NPRL3: variants seen among roughly 807,000 people sequenced by gnomAD.
NPRL3 encodes the protein NPR3 like, GATOR1 complex subunit, also known as GATOR1 complex protein NPRL3.
In NPRL3, 23 loss-of-function variants were observed where a neutral mutation model predicts 57.2. That is an observed-to-expected ratio of 0.40 (90% CI 0.29 to 0.57). The LOEUF (loss-of-function observed/expected upper bound fraction) is 0.57, where lower values mean the gene tolerates loss of function less well. Ranked by LOEUF, NPRL3 falls within the 20% of genes least tolerant of loss-of-function variation. The pLI is 0.42. For missense variants in NPRL3, 691 were observed against 767.1 expected, an observed-to-expected ratio of 0.90 and a Z score of 1.17; for synonymous variants, 333 against 321.1, an observed-to-expected ratio of 1.04 and a Z score of -0.39.
intron 3 of NPRL3, chr16:123,669 C>A: frequency 2.3e-6 from 1 of 429,798 alleles, no homozygotes; most frequent in Non-Finnish European, 4.7e-6. Flanking sequence ...CACCATTAAG[C>A]ATTAACTGTT....
At chr16:97,410 A>ATT (rs34410203) in intron 9 of NPRL3, among the ~76,000 whole-genome samples, 16,522 of 115,018 alleles carry the variant, frequency 0.14, 1,482 homozygotes, top group South Asian at 0.31. Context: ...ACACCCAGCT[A>ATT]TTTTTTTTTT....
At chr16:99,042 C>T (rs763055545) in intron 8 of NPRL3, among the ~76,000 whole-genome samples, 17 of 152,198 alleles carry the variant, frequency 1.1e-4, no homozygotes, top group South Asian at 6.2e-4. Flanking sequence ...ACCTCAGAGA[C>T]GCCCAGCAAA....
At chr16:120,711 G>A (rs1383230395) in intron 3 of NPRL3, among the ~76,000 whole-genome samples, 1 of 152,164 alleles carries the variant, frequency 6.6e-6, no homozygotes, top group Non-Finnish European at 1.5e-5. Flanking sequence ...GAGTTATCCT[G>A]GGAAACGCAG....
chr16:123,641 A>G, intron 3 of NPRL3: 1 of 452,708 alleles, frequency 2.2e-6, no homozygotes, highest in South Asian at 1.6e-5. Flanking sequence ...AAACTGCACA[A>G]AAGTCTAGCA....
At chr16:130,461 G>C (rs1900736683) in intron 3 of NPRL3, 61 bp downstream of exon 3, 1 of 1,484,298 alleles carries the variant, frequency 6.7e-7, no homozygotes, top group African/African-American at 1.4e-5. Flanking sequence ...AGGAGGGTGG[G>C]GCTTTGCCCA....
intron 13 of NPRL3, among the ~76,000 whole-genome samples, chr16:88,117 CAG>C (rs1182103623): frequency 6.6e-6 from 1 of 152,200 alleles, no homozygotes; most frequent in African/African-American, 2.4e-5. Flanking sequence ...GTGGGGCTGA[CAG>C]AGACCACTGA....
At chr16:138,051 C>T (rs1422749414) in intron 2 of NPRL3, 99 bp downstream of exon 2, 3 of 827,956 alleles carry the variant, frequency 3.6e-6, no homozygotes, top group Non-Finnish European at 5.9e-6. Flanking sequence ...TCTCGAATGC[C>T]CAGCAAAAGC....
chr16:124,251 T>C (rs983462823), intron 3 of NPRL3, among the ~76,000 whole-genome samples: 4 of 152,180 alleles, frequency 2.6e-5, no homozygotes, highest in Non-Finnish European at 5.9e-5. Flanking sequence ...CAAAAGTCAT[T>C]TTTCAGAAGT....
chr16:127,436 TG>T (rs905354238), intron 3 of NPRL3, among the ~76,000 whole-genome samples: 53 of 152,118 alleles, frequency 3.5e-4, no homozygotes, highest in African/African-American at 1.2e-3. Context: ...GGTTTCGTCA[TG>T]CTGTCCAGAC....
At chr16:132,394 T>A (rs917341584) in intron 2 of NPRL3, among the ~76,000 whole-genome samples, 4 of 152,204 alleles carry the variant, frequency 2.6e-5, no homozygotes, top group Admixed American at 6.5e-5. Context: ...CAGTCACATC[T>A]TTAGGCCCTA....
intron 6 of NPRL3, among the ~76,000 whole-genome samples, chr16:111,985 T>A (rs561632890): frequency 6.6e-6 from 1 of 152,318 alleles, no homozygotes; most frequent in South Asian, 2.1e-4. Context: ...CAAAAAACAC[T>A]CAATGTTCTG....
In NPRL3 at chr16:100,381, T is replaced by C. The variant is rs1567134506; in HGVS notation, c.758A>G (p.Lys253Arg). The C allele has an allele frequency of 6.5e-7, 1 of 1,546,330 alleles. No homozygotes were observed. The highest frequency in any genetic ancestry group is 1.4e-5 in the African/African-American group (1 of 71,792). ...IPPEAIERSLKAIRPYHALLL... is the reference protein window; with the variant it reads ...IPPEAIERSLRAIRPYHALLL... ...GGGGCTGGGCACTTACCGGATGGCT[T>C]TCAGGCTCCGTTCGATGGCCTCTGG... Residue 253 changes from lysine to arginine, a missense_variant, in exon 8 of 14, where the codon AAA becomes AGA. Lys to Arg is a conservative substitution (Grantham distance 26). Coordinates refer to ENST00000611875, the MANE Select transcript of NPRL3 (RefSeq NM_001077350.3).
At chr16:95,465 G>C (rs530188160) in intron 9 of NPRL3, among the ~76,000 whole-genome samples, 1 of 151,706 alleles carries the variant, frequency 6.6e-6, no homozygotes, top group East Asian at 1.9e-4. Context: ...AACTTTCTGT[G>C]TCTATAATTT....
chr16:107,270 G>T (rs1484186004), intron 7 of NPRL3, among the ~76,000 whole-genome samples: 1 of 152,192 alleles, frequency 6.6e-6, no homozygotes, highest in Non-Finnish European at 1.5e-5. Flanking sequence ...TCACACAACA[G>T]GCAGTCCAAG....
rs749092655 is a variant in NPRL3, at chr16:89,707, T to C, written c.1351+6A>G. ...GACTACCACAGCGGTGCCCTGGGGG[T>C]CCTACTTGGGGAGCCAAAGCTGAGG... On this transcript the variant is annotated splice_donor_region_variant and intron_variant, in intron 12 of 13. Transcript: ENST00000611875. 3 of 1,557,622 alleles carry C rather than the reference T, an allele frequency of 1.9e-6. No individual in the cohort carries two copies. The highest frequency in any genetic ancestry group is 1.2e-5 in the South Asian group (1 of 85,258).
At chr16:126,464 A>G (rs952173747) in intron 3 of NPRL3, 1 of 150,486 alleles carries the variant, frequency 6.6e-6, no homozygotes, top group African/African-American at 2.4e-5. Flanking sequence ...TAATAATAAT[A>G]ATATGATTTC....
chr16:96,326 T>C (rs1390263114), intron 9 of NPRL3, among the ~76,000 whole-genome samples: 2 of 152,016 alleles, frequency 1.3e-5, no homozygotes, highest in Non-Finnish European at 1.5e-5. Flanking sequence ...TTTCAAAAGC[T>C]CAACACAGGA....
chr16:138,098 C>A lies in NPRL3; in HGVS notation c.118+52G>T, dbSNP rs1367565510. 3 of 1,440,706 alleles carry A rather than the reference C, an allele frequency of 2.1e-6. No homozygotes were observed. The East Asian group carries it at 7.4e-5, about 36-fold the overall frequency. 89.2% of individuals were successfully genotyped at this position (1,440,706 alleles called of 1,614,324 possible). ...AGGCGGCCCTGGAATGAGGCGACCC[C>A]GGAATGAGGCGGCCCCCGCGAGCGC... On this transcript the variant is annotated intron_variant, in intron 2 of 13. Coordinates refer to ENST00000611875, the MANE Select transcript of NPRL3 (RefSeq NM_001077350.3).
chr16:127,935 T>G lies in NPRL3; in HGVS notation c.188+2587A>C, dbSNP rs149120254. On this transcript the variant is annotated intron_variant, in intron 3 of 13. Transcript: ENST00000611875. ...CTCCCAAAGGGCTGGGATTACAGGC[T>G]TGAGCCACTGCGCCCGGCCGCAAGT... Among the ~76,000 whole-genome samples, 755 of 151,974 alleles carry G rather than the reference T, an allele frequency of 5.0e-3. 9 individuals carry two copies. Among genetic ancestry groups the G allele is most frequent in the African/African-American group, 0.016 (653 of 41,468 alleles).
Sources: allele counts gnomAD v4.1 joint callset (sites outside exome capture counted in the v4.1 genomes callset), GRCh38; gene constraint gnomAD v4.1.1; transcripts MANE v1.5; gene names NCBI Gene and HGNC (gene_info 2026-07-23, HGNC 2026-07-21).